The following HAT1 variants were observed in gnomAD, a reference collection of about 807,000 sequenced individuals.
HAT1 encodes the protein histone acetyltransferase 1.
In HAT1, 20 loss-of-function variants were observed where a neutral mutation model predicts 56.6. That is an observed-to-expected ratio of 0.35 (90% confidence interval 0.25 to 0.51). The LOEUF is 0.51. HAT1 is among the 20% of genes least tolerant of loss of function. HAT1 has a pLI of 0.95. For synonymous variants in HAT1, 146 were observed against 165.5 expected, an observed-to-expected ratio of 0.88 and a Z score of 0.91; for missense variants, 408 against 504.3, an observed-to-expected ratio of 0.81 and a Z score of 1.83.
rs1486008284 is a variant in HAT1, at chr2:171,946,921, TG to T, written c.188+139del. 10 of 552,974 alleles carry T rather than the reference TG, an allele frequency of 1.8e-5. No homozygotes were observed. In the East Asian group the frequency reaches 2.9e-4, roughly 16 times the overall value. The allele number at this position is 552,974 out of a possible 1,614,324, so 34.3% of individuals were successfully genotyped here. A position where few individuals can be genotyped will look rare whatever the true frequency, so the allele number is the denominator to read the frequency against. On this transcript the variant is annotated intron_variant, in intron 3 of 10. Coordinates refer to ENST00000264108, the MANE Select transcript of HAT1 (RefSeq NM_003642.4). ...TATCTTAAAATATATGTTATAATGG[TG>T]TTTTTTTACATTGAGACACCAGTTA...
chr2:171,958,956 G>T (rs1311814138), intron 4 of HAT1, among the ~76,000 whole-genome samples: 1 of 152,104 alleles, frequency 6.6e-6, no homozygotes, highest in Non-Finnish European at 1.5e-5. Context: ...TTCAACTTTA[G>T]TATTAGAAAT....
chr2:171,978,921 A>C (rs1217254065), intron 9 of HAT1, among the ~76,000 whole-genome samples: 1 of 134,120 alleles, frequency 7.5e-6, no homozygotes, highest in Non-Finnish European at 1.7e-5. Flanking sequence ...TCCCATTTCT[A>C]CAAAAAAAAA....
intron 8 of HAT1, among the ~76,000 whole-genome samples, chr2:171,969,310 G>T (rs1687757127): frequency 6.6e-6 from 1 of 152,100 alleles, no homozygotes; most frequent in Non-Finnish European, 1.5e-5. Flanking sequence ...ATTGTTCTGG[G>T]ATGTGCCATA....
At chr2:171,938,452 TA>T (rs1421835267) in intron 2 of HAT1, among the ~76,000 whole-genome samples, 2 of 152,174 alleles carry the variant, frequency 1.3e-5, no homozygotes, top group African/African-American at 4.8e-5. Context: ...ATTGTAATTA[TA>T]ATGAAATTAT....
At chr2:171,929,784 C>G (rs1238703409) in intron 2 of HAT1, among the ~76,000 whole-genome samples, 1 of 151,990 alleles carries the variant, frequency 6.6e-6, no homozygotes, top group Non-Finnish European at 1.5e-5. Context: ...CTGGACTTTT[C>G]TCATTCATTG....
At chr2:171,932,771 A>G (rs1448959127) in intron 2 of HAT1, among the ~76,000 whole-genome samples, 1 of 152,000 alleles carries the variant, frequency 6.6e-6, no homozygotes, top group Non-Finnish European at 1.5e-5. Context: ...TGGGAGGCTG[A>G]GGTGGGAGGA....
chr2:171,976,845 T>A (rs923544912), intron 9 of HAT1, among the ~76,000 whole-genome samples: 1 of 152,214 alleles, frequency 6.6e-6, no homozygotes, highest in African/African-American at 2.4e-5. Context: ...GCATTTGATA[T>A]AAACCTTGAA....
intron 9 of HAT1, among the ~76,000 whole-genome samples, chr2:171,977,427 A>C (rs1485189815): frequency 3.4e-5 from 5 of 146,096 alleles, no homozygotes; most frequent in Middle Eastern, 3.7e-3. Context: ...ATGCCACTAC[A>C]CTCCAGCCTG....
intron 9 of HAT1, 50 bp downstream of exon 9, chr2:171,976,358 T>A (rs1687967852): frequency 9.2e-7 from 1 of 1,092,158 alleles, no homozygotes; most frequent in Non-Finnish European, 1.3e-6. Flanking sequence ...AAACAAATTT[T>A]TGAAGTGTAT....
chr2:171,948,245 TAC>T (rs540871187), intron 3 of HAT1, among the ~76,000 whole-genome samples: 274 of 152,224 alleles, frequency 1.8e-3, no homozygotes, highest in African/African-American at 6.1e-3. Context: ...TTAACATTGA[TAC>T]AGAGTCTCGC....
At chr2:171,948,555 A>G (rs1305255642) in intron 3 of HAT1, among the ~76,000 whole-genome samples, 2 of 152,136 alleles carry the variant, frequency 1.3e-5, no homozygotes, top group African/African-American at 2.4e-5. Context: ...TATACAGCTC[A>G]TGTTTCAGAT....
rs71013093 is a variant in HAT1, at chr2:171,945,498, A to ATT, written c.113-1192_113-1191dup. Reference sequence around the variant, plus strand: ...TTAGCTAGCTAGCTAGCTATCTATAATTTTTTTTTTTTTTTTTTTGAGACA... The same window carrying ATT: ...TTAGCTAGCTAGCTAGCTATCTATAATTTTTTTTTTTTTTTTTTTTTGAGACA... On this transcript the variant is annotated intron_variant, in intron 2 of 10. Transcript: ENST00000264108. 2.3e-3 allele frequency among the ~76,000 whole-genome samples: 288 copies of ATT among 122,574 alleles called. 3 individuals carry two copies. Among genetic ancestry groups the ATT allele is most frequent in the East Asian group, 0.01 (45 of 4,446 alleles). 80.4% of individuals were successfully genotyped at this position (122,574 alleles called of 152,430 possible).
chr2:171,930,939 G>C lies in HAT1; in HGVS notation c.112+5298G>C, dbSNP rs968383006. Among the ~76,000 whole-genome samples, 17 of 152,000 alleles carry C rather than the reference G, an allele frequency of 1.1e-4. No homozygotes were observed. In the Middle Eastern group the frequency reaches 0.01, roughly 91 times the overall value. ...TATAGGATTTTTTTTTTTAGATGTA[G>C]ATTATTTCAGATTTCCTGCACACAA... On this transcript the variant is annotated intron_variant, in intron 2 of 10. Coordinates refer to ENST00000264108, the MANE Select transcript of HAT1 (RefSeq NM_003642.4).
chr2:171,966,916 T>C lies in HAT1; in HGVS notation c.790T>C (p.Tyr264His). The change falls in exon 8 of 11, where the codon TAC becomes CAC. Residue 264 changes from tyrosine to histidine, a missense_variant. Physicochemically the swap from Tyr to His is moderately conservative, Grantham distance 83. Transcript: ENST00000264108. ...ACTTCTTGAAACAGTTCATAGATAC[T>C]ACACTGAATTTCCTACAGTTCTTGA... Reference protein sequence around the residue: ...AQLLETVHRYYTEFPTVLDIT... With the variant: ...AQLLETVHRYHTEFPTVLDIT... 1.9e-6 allele frequency: 3 copies of C among 1,563,604 alleles called. No homozygotes were observed. The highest frequency in any genetic ancestry group is 2.6e-6 in the Non-Finnish European group (3 of 1,135,362).
chr2:171,980,955 A>C (rs915112055), intron 10 of HAT1: 3 of 151,420 alleles, frequency 2.0e-5, no homozygotes, highest in African/African-American at 7.3e-5. Context: ...AGATCATCTG[A>C]GGTCAGGAGT....
chr2:171,962,717 T>G (rs1236821302), intron 4 of HAT1, among the ~76,000 whole-genome samples: 5 of 152,198 alleles, frequency 3.3e-5, no homozygotes, highest in Admixed American at 3.3e-4. Context: ...AAAATTTTTT[T>G]GAAATTCTAG....
At chr2:171,958,355 G>C (rs536130947) in intron 4 of HAT1, among the ~76,000 whole-genome samples, 1 of 149,658 alleles carries the variant, frequency 6.7e-6, no homozygotes, top group South Asian at 2.1e-4. Flanking sequence ...TTAATTTTAA[G>C]TTCTGGGATA....
intron 4 of HAT1, among the ~76,000 whole-genome samples, chr2:171,960,910 G>A (rs1012896013): frequency 6.6e-6 from 1 of 152,072 alleles, no homozygotes; most frequent in African/African-American, 2.4e-5. Context: ...GGGAGGCCGA[G>A]GTGGACAGGT....
In HAT1 at chr2:171,979,066, T is replaced by A. The variant is rs142896341; in HGVS notation, c.976-181T>A. Among the ~76,000 whole-genome samples the A allele has an allele frequency of 2.8e-3, 428 of 152,240 alleles. 2 individuals carry two copies. Among genetic ancestry groups the A allele is most frequent in the African/African-American group, 9.8e-3 (408 of 41,546 alleles). ...TGATCGTGCCACATTAAATTATCCA[T>A]ACCATAATCATTTGTGTTACCCACT... is the stretch of plus-strand genomic sequence containing the variant. On this transcript the variant is annotated intron_variant, in intron 9 of 10. Coordinates refer to ENST00000264108, the MANE Select transcript of HAT1 (RefSeq NM_003642.4).
Sources: gnomAD v4.1 joint callset for allele counts (sites outside exome capture counted in the v4.1 genomes callset) on GRCh38, gnomAD v4.1.1 for gene constraint, MANE v1.5 for transcripts, NCBI Gene and HGNC (gene_info 2026-07-23, HGNC 2026-07-21) for gene names.